PARVG: variants seen among roughly 807,000 people sequenced by gnomAD.
PARVG encodes the protein gamma-parvin.
In PARVG, 36 loss-of-function variants were observed where a neutral mutation model predicts 44.4. The observed-to-expected ratio is 0.81, with a 90% confidence interval of 0.62 to 1.07. The LOEUF is 1.07. Ranked by LOEUF, PARVG falls within the 50% of genes least tolerant of loss-of-function variation. The pLI is 0.00. For missense variants in PARVG, 407 were observed against 407.4 expected, an observed-to-expected ratio of 1.00 and a Z score of 0.01; for synonymous variants, 170 against 174.1, an observed-to-expected ratio of 0.98 and a Z score of 0.19.
chr22:44,193,295 C>T (rs1341748632), intron 8 of PARVG, among the ~76,000 whole-genome samples: 1 of 152,096 alleles, frequency 6.6e-6, no homozygotes, highest in African/African-American at 2.4e-5. Flanking sequence ...CAAAAGAGGA[C>T]ACGCAGTATG....
Position 44,198,707 on chromosome 22 carries a change from C to T in PARVG, c.798C>T (p.Asn266=). ...TAAAGGAATTCTACCTCACTCCCAA[C>T]TCTCCTGCAGAAATGGTAAGTTTTC... is the stretch of plus-strand genomic sequence containing the variant. ...LHLKEFYLTP[N]SPAEMLHNVT... is the part of the protein sequence containing the mutation. The change falls in exon 12 of 14, where the codon AAC becomes AAT. Residue 266 remains asparagine, a synonymous_variant. Coordinates refer to ENST00000444313, the MANE Select transcript of PARVG (RefSeq NM_022141.7). 1 of 1,610,328 alleles carries T rather than the reference C, an allele frequency of 6.2e-7. No individual in the cohort carries two copies.
At chr22:44,205,990 A>T (rs543473136) in intron 13 of PARVG, among the ~76,000 whole-genome samples, 161 bp downstream of exon 13, 3 of 152,094 alleles carry the variant, frequency 2.0e-5, no homozygotes, top group Non-Finnish European at 4.4e-5. Context: ...GTTTCTTGGG[A>T]GGGGGCACTG....
Position 44,205,796 on chromosome 22 carries a change from G to A in PARVG, c.853G>A (p.Glu285Lys), listed in dbSNP as rs779516870. 5.6e-6 allele frequency: 9 copies of A among 1,613,538 alleles called. No individual in the cohort carries two copies. Among genetic ancestry groups the A allele is most frequent in the South Asian group, 3.3e-5 (3 of 91,058 alleles). Residue 285 changes from glutamate to lysine, a missense_variant, in exon 13 of 14, where the codon GAG becomes AAG. Transcript: ENST00000444313. ...CCTGGCGCTGGAGCTGCTGAAGGAC[G>A]AGGGCCTGCTCAGCTGCCCTGTCAG... Reference protein sequence around the residue: ...VTLALELLKDEGLLSCPVSPE... With the variant: ...VTLALELLKDKGLLSCPVSPE...
intron 1 of PARVG, among the ~76,000 whole-genome samples, chr22:44,174,230 C>T (rs1348677286): frequency 6.6e-6 from 1 of 151,714 alleles, no homozygotes; most frequent in African/African-American, 2.4e-5. Context: ...GAGGGAACTC[C>T]CAGAAAGGAA....
At chr22:44,183,455 G>T in intron 3 of PARVG, 47 bp downstream of exon 3, 1 of 1,507,850 alleles carries the variant, frequency 6.6e-7, no homozygotes. Context: ...GGTCTGTGTG[G>T]CAAGAGTGAG....
At chr22:44,178,516 C>A (rs1346498334), upstream of PARVG, among the ~76,000 whole-genome samples, 1 of 152,202 alleles carries the variant, frequency 6.6e-6, no homozygotes, top group Non-Finnish European at 1.5e-5. Flanking sequence ...CAACAAAATT[C>A]AGCACGCGAC....
At chr22:44,194,603 T>TCATC (rs2054592782) in intron 9 of PARVG, among the ~76,000 whole-genome samples, 1 of 149,368 alleles carries the variant, frequency 6.7e-6, no homozygotes, top group Non-Finnish European at 1.5e-5. Context: ...ATGCCTCCAT[T>TCATC]CATCCATCCA....
chr22:44,176,368 C>G (rs555268999), upstream of PARVG, among the ~76,000 whole-genome samples: 1 of 152,136 alleles, frequency 6.6e-6, no homozygotes, highest in Middle Eastern at 3.2e-3. Context: ...GGAATAATGA[C>G]GGAGAAAAAT....
intron 9 of PARVG, among the ~76,000 whole-genome samples, chr22:44,194,552 C>T (rs1601740553): frequency 6.6e-6 from 1 of 151,316 alleles, no homozygotes; most frequent in East Asian, 2.0e-4. Flanking sequence ...TTCATCTATC[C>T]ACCCACCCAT....
In PARVG at chr22:44,208,073, C is replaced by A. The variant is rs1369113118; in HGVS notation, c.*1647C>A. 6.6e-6 allele frequency: 1 copy of A among 152,240 alleles called. No individual in the cohort carries two copies. Among genetic ancestry groups the A allele is most frequent in the Non-Finnish European group, 1.5e-5 (1 of 68,080 alleles). The allele number at this position is 152,240 out of a possible 1,614,324, so 9.4% of individuals were successfully genotyped here. ...CTCTCAGCTGGCTTCATCCCAAAAG[C>A]CTGAAATCCAGCCCCACTTCCTGGG... is the stretch of plus-strand genomic sequence containing the variant. On this transcript the variant is annotated 3_prime_UTR_variant, in exon 14 of 14. Transcript: ENST00000444313.
upstream of PARVG, among the ~76,000 whole-genome samples, chr22:44,180,241 C>A (rs1172493951): frequency 6.6e-6 from 1 of 152,208 alleles, no homozygotes; most frequent in East Asian, 1.9e-4. Flanking sequence ...CTGCCACCCA[C>A]TCCCTCCTTC....
At chr22:44,193,732 T>A in intron 8 of PARVG, 69 bp from the exon 9 acceptor site, 1 of 1,586,342 alleles carries the variant, frequency 6.3e-7, no homozygotes, top group Non-Finnish European at 8.6e-7. Flanking sequence ...CTTGTCATAT[T>A]GAGAAATTGT....
At chr22:44,186,819 C>T (rs766255918) in intron 4 of PARVG, 1 of 382,802 alleles carries the variant, frequency 2.6e-6, no homozygotes, top group South Asian at 1.9e-5. Flanking sequence ...CTGCTGGGTA[C>T]CCTGGAGCCA....
At chr22:44,187,609 C>T in intron 4 of PARVG, 167 bp from the exon 5 acceptor site, 5 of 663,530 alleles carry the variant, frequency 7.5e-6, no homozygotes, top group South Asian at 1.8e-5. Context: ...GGGGCAGGCC[C>T]CTAACAGCCT....
intron 12 of PARVG, among the ~76,000 whole-genome samples, chr22:44,203,460 A>G (rs2054736614): frequency 1.3e-5 from 2 of 152,128 alleles, no homozygotes; most frequent in African/African-American, 4.8e-5. Context: ...ACAATTTCTA[A>G]AAACGTTTGG....
intron 12 of PARVG, among the ~76,000 whole-genome samples, chr22:44,204,706 G>A (rs2054755558): frequency 6.6e-6 from 1 of 152,252 alleles, no homozygotes. Flanking sequence ...CAGATAGGGA[G>A]GGAACGGGAC....
intron 1 of PARVG, among the ~76,000 whole-genome samples, chr22:44,173,637 C>T (rs190191136): frequency 2.6e-5 from 4 of 152,262 alleles, no homozygotes; most frequent in Non-Finnish European, 4.4e-5. Context: ...ACTGTGTGAC[C>T]GTGACTGCGG....
At chr22:44,188,988 C>T in intron 5 of PARVG, 126 bp from the exon 6 acceptor site, 1 of 1,322,788 alleles carries the variant, frequency 7.6e-7, no homozygotes, top group African/African-American at 1.5e-5. Flanking sequence ...GGTCCAACAC[C>T]AAGAATGGGC....
At chr22:44,175,524 T>C (rs967085736) in intron 1 of PARVG, among the ~76,000 whole-genome samples, 2 of 152,218 alleles carry the variant, frequency 1.3e-5, no homozygotes, top group African/African-American at 2.4e-5. Context: ...CTCTTTGGGG[T>C]TTAAATTTGA....
Sources: gnomAD v4.1 joint callset for allele counts (sites outside exome capture counted in the v4.1 genomes callset) on GRCh38, gnomAD v4.1.1 for gene constraint, MANE v1.5 for transcripts, NCBI Gene and HGNC (gene_info 2026-07-23, HGNC 2026-07-21) for gene names.